FA2H: variants seen among roughly 807,000 people sequenced by gnomAD.
The protein encoded by FA2H is fatty acid 2-hydroxylase, also known as fatty acid alpha-hydroxylase.
A neutral mutation model predicts 44.9 loss-of-function variants in FA2H; 22 were observed. That is an observed-to-expected ratio of 0.49 (90% CI 0.35 to 0.70). FA2H has a LOEUF of 0.70. Ranked by LOEUF, FA2H falls within the 30% of genes least tolerant of loss-of-function variation. The pLI is 0.01. For missense variants in FA2H, 501 were observed against 504.9 expected (o/e 0.99, Z 0.07); for synonymous variants, 243 against 213.2 (o/e 1.14, Z -1.22).
chr16:74,747,242 T>G (rs1167021471), intron 1 of FA2H, among the ~76,000 whole-genome samples: 1 of 151,666 alleles, frequency 6.6e-6, no homozygotes, highest in Non-Finnish European at 1.5e-5. Flanking sequence ...ACCCAGGAAA[T>G]GGAGGCTGCA....
At chr16:74,755,391 A>G (rs1885084614) in intron 1 of FA2H, among the ~76,000 whole-genome samples, 1 of 151,544 alleles carries the variant, frequency 6.6e-6, no homozygotes, top group Admixed American at 6.6e-5. Context: ...TGTTGGTCAG[A>G]CTGGTCTCAA....
rs946414018 is a variant in FA2H, at chr16:74,722,073, C to G, written c.614-2913G>C. ...AAAGTCCATGACTTGCCAGGCTCCC[C>G]CTGCTCGGCAGTGCAAAGCCCTCAG... On this transcript the variant is annotated intron_variant, in intron 4 of 6. Coordinates refer to ENST00000219368, the MANE Select transcript of FA2H (RefSeq NM_024306.5). Among the ~76,000 whole-genome samples the G allele has an allele frequency of 7.2e-5, 11 of 152,318 alleles. No individual in the cohort carries two copies. In the East Asian group the frequency reaches 2.1e-3, roughly 29 times the overall value.
intron 1 of FA2H, among the ~76,000 whole-genome samples, chr16:74,771,058 C>T (rs375023049): frequency 5.4e-4 from 82 of 152,152 alleles, no homozygotes; most frequent in African/African-American, 1.2e-3. Flanking sequence ...GATGGTGTTG[C>T]GAGGACGAGC....
chr16:74,752,530 G>T (rs1315368063), intron 1 of FA2H, among the ~76,000 whole-genome samples: 3 of 152,058 alleles, frequency 2.0e-5, no homozygotes, highest in African/African-American at 4.8e-5. Flanking sequence ...CTGACCCAGG[G>T]TATTGGTCCA....
At chr16:74,741,808 A>ATATATATATATATATGTGTGTGTGTG (rs1491185782) in intron 1 of FA2H, among the ~76,000 whole-genome samples, 2 of 48,418 alleles carry the variant, frequency 4.1e-5, no homozygotes, top group African/African-American at 2.2e-4. Flanking sequence ...ATATATATAT[A>ATATATATATATATATGTGTGTGTGTG]TGTGTGTGTG....
chr16:74,718,847 G>T, intron 5 of FA2H, 141 bp downstream of exon 5: 3 of 989,496 alleles, frequency 3.0e-6, no homozygotes, highest in East Asian at 2.6e-5. Context: ...CAGTTGCCCC[G>T]TGAGTCACAT....
chr16:74,724,859 CCT>C lies in FA2H; in HGVS notation c.613+1364_613+1365del, dbSNP rs561100148. 5.6e-4 allele frequency among the ~76,000 whole-genome samples: 86 copies of C among 152,322 alleles called. No individual in the cohort carries two copies. The Middle Eastern group carries it at 0.01, about 18-fold the overall frequency. Reference sequence around the variant, plus strand: ...CCCGCCCCCTCACCCCAGCATCACCCCTGTCTGCCCATCCGGCCGGAGCTGGT... The same window carrying C: ...CCCGCCCCCTCACCCCAGCATCACCCGTCTGCCCATCCGGCCGGAGCTGGT... On this transcript the variant is annotated intron_variant, in intron 4 of 6. Coordinates refer to ENST00000219368, the MANE Select transcript of FA2H (RefSeq NM_024306.5).
At chr16:74,738,688 T>C (rs577284596) in intron 2 of FA2H, among the ~76,000 whole-genome samples, 28 of 152,260 alleles carry the variant, frequency 1.8e-4, no homozygotes, top group African/African-American at 6.7e-4. Flanking sequence ...CAGGACACAC[T>C]GTAGCTCACC....
rs771564922 is a variant in FA2H at position 74,719,101 on chromosome 16, G to A, written c.673C>T (p.Leu225Phe). The A allele has an allele frequency of 3.1e-6, 5 of 1,613,918 alleles. No individual in the cohort carries two copies. In the African/African-American group the frequency reaches 6.7e-5, roughly 22 times the overall value. ...FPGLFMLGTF[L>F]WSLIEYLIHR... ...ATGAGGTACTCGATGAGGCTCCAGAGGAATGTCCCCAGCATGAAGAGCCCG... is the reference window on the plus strand; with the variant it reads ...ATGAGGTACTCGATGAGGCTCCAGAAGAATGTCCCCAGCATGAAGAGCCCG... The change falls in exon 5 of 7, where the codon CTC becomes TTC. Residue 225 changes from leucine to phenylalanine, a missense_variant. Physicochemically the swap from Leu to Phe is conservative, Grantham distance 22 (BLOSUM62 0). Coordinates refer to ENST00000219368, the MANE Select transcript of FA2H (RefSeq NM_024306.5).
chr16:74,734,470 C>T (rs990498736), intron 2 of FA2H, among the ~76,000 whole-genome samples: 2 of 152,234 alleles, frequency 1.3e-5, no homozygotes, highest in African/African-American at 4.8e-5. Context: ...GGAGTGGATT[C>T]GGCCAAAGCA....
chr16:74,773,143 T>A (rs1962939078), intron 1 of FA2H, among the ~76,000 whole-genome samples: 1 of 152,220 alleles, frequency 6.6e-6, no homozygotes, highest in Non-Finnish European at 1.5e-5. Context: ...CCCAAAGTGC[T>A]AGGATTACAG....
chr16:74,774,624 C>T lies in FA2H; in HGVS notation c.132G>A (p.Pro44=), dbSNP rs999830038. The part of the protein sequence containing the change: ...YDLSSFVRHH[P]GGEQLLRARA... ...TGGCCCGCAGCAGCTGCTCGCCCCC[C>T]GGGTGGTGCCGCACGAAGCTGGAGA... Residue 44 remains proline, a synonymous_variant, in exon 1 of 7, where the codon CCG becomes CCA. Transcript: ENST00000219368. 3 of 1,515,452 alleles carry T rather than the reference C, an allele frequency of 2.0e-6. No homozygotes were observed. Among genetic ancestry groups the T allele is most frequent in the African/African-American group, 2.8e-5 (2 of 70,254 alleles). 93.9% of individuals were successfully genotyped at this position (1,515,452 alleles called of 1,614,324 possible).
intron 2 of FA2H, among the ~76,000 whole-genome samples, chr16:74,732,423 A>G (rs1962090502): frequency 1.3e-5 from 2 of 151,710 alleles, no homozygotes; most frequent in South Asian, 2.1e-4. Context: ...ATGGCATAGG[A>G]TTCTTTTTCT....
rs1491185782 is a variant in FA2H at position 74,741,808 on chromosome 16, A to ATATATATGTG, written c.271-1694_271-1693insCACATATATA. On this transcript the variant is annotated intron_variant, in intron 1 of 6. Transcript: ENST00000219368. ...TATATATATATATATATATATATATATGTGTGTGTGTGTGTGTGTGTGTGT... is the reference window on the plus strand; with the variant it reads ...TATATATATATATATATATATATATATATATATGTGTGTGTGTGTGTGTGTGTGTGTGTGT... Among the ~76,000 whole-genome samples, 111 of 48,344 alleles carry ATATATATGTG rather than the reference A, an allele frequency of 2.3e-3. 1 individual carries two copies. The highest frequency in any genetic ancestry group is 6.2e-3 in the African/African-American group (57 of 9,224). 31.7% of individuals were successfully genotyped at this position (48,344 alleles called of 152,430 possible). A position where few individuals can be genotyped will look rare whatever the true frequency, so the allele number is the denominator to read the frequency against.
intron 1 of FA2H, among the ~76,000 whole-genome samples, chr16:74,761,310 G>A (rs989594889): frequency 8.6e-5 from 13 of 152,026 alleles, no homozygotes; most frequent in Admixed American, 2.6e-4. Context: ...AAAATTAGCC[G>A]GGCATGGCGG....
At chr16:74,725,014 G>A (rs890131904) in intron 4 of FA2H, among the ~76,000 whole-genome samples, 6 of 152,192 alleles carry the variant, frequency 3.9e-5, no homozygotes, top group African/African-American at 4.8e-5. Context: ...AGTGCCGGGC[G>A]GACAGTGGGT....
chr16:74,749,187 C>G (rs1484099778), intron 1 of FA2H, among the ~76,000 whole-genome samples: 3 of 152,214 alleles, frequency 2.0e-5, no homozygotes, highest in Non-Finnish European at 2.9e-5. Flanking sequence ...TAAAAGCTTT[C>G]GGCTGAAATG....
intron 2 of FA2H, among the ~76,000 whole-genome samples, chr16:74,732,917 G>A (rs543495426): frequency 4.6e-5 from 7 of 152,184 alleles, no homozygotes; most frequent in African/African-American, 7.2e-5. Context: ...CAGGTGTGGT[G>A]GGAACAGAGC....
At chr16:74,754,026 A>G (rs576289539) in intron 1 of FA2H, among the ~76,000 whole-genome samples, 2 of 152,190 alleles carry the variant, frequency 1.3e-5, no homozygotes, top group East Asian at 1.9e-4. Context: ...TTTTTCTTCA[A>G]TAGACCATAG....
Sources: allele counts gnomAD v4.1 joint callset (sites outside exome capture counted in the v4.1 genomes callset), GRCh38; gene constraint gnomAD v4.1.1; transcripts MANE v1.5; gene names NCBI Gene and HGNC (gene_info 2026-07-23, HGNC 2026-07-21).